MALRD1: variants seen among roughly 807,000 people sequenced by gnomAD.
MALRD1 encodes the protein MAM and LDL receptor class A domain containing 1.
MALRD1 carries 247 observed loss-of-function variants against 242.1 expected under a neutral mutation model. The ratio of observed to expected loss-of-function variants is 1.02; its 90% CI spans 0.92 to 1.13. The LOEUF (loss-of-function observed/expected upper bound fraction) is 1.13, where lower values mean the gene tolerates loss of function less well. MALRD1 is among the 50% of genes most tolerant of loss of function. The pLI, the probability that MALRD1 is intolerant of heterozygous loss-of-function variation, is 0.00. For synonymous variants in MALRD1, 995 were observed against 866.6 expected (o/e 1.15, Z -2.60); for missense variants, 2,989 against 2,533.1 (o/e 1.18, Z -3.86).
chr10:19,618,168 T>C (rs975518456), intron 36 of MALRD1, among the ~76,000 whole-genome samples: 3 of 151,734 alleles, frequency 2.0e-5, no homozygotes, highest in African/African-American at 7.3e-5. Context: ...ATCTAATTCT[T>C]TTTTTTAAGG....
chr10:19,258,581 GTC>G (rs778847916), intron 19 of MALRD1, among the ~76,000 whole-genome samples: 1 of 152,138 alleles, frequency 6.6e-6, no homozygotes, highest in African/African-American at 2.4e-5. Context: ...AGCCTCACTG[GTC>G]TGCGGAGCAC....
chr10:19,237,305 C>T (rs1838363934), intron 18 of MALRD1, among the ~76,000 whole-genome samples: 1 of 150,982 alleles, frequency 6.6e-6, no homozygotes, highest in African/African-American at 2.4e-5. Flanking sequence ...ACTTCTTCCT[C>T]ACTGTTTGGT....
At chr10:19,244,550 GT>G (rs1308418719) in intron 18 of MALRD1, among the ~76,000 whole-genome samples, 2 of 151,644 alleles carry the variant, frequency 1.3e-5, no homozygotes, top group Non-Finnish European at 2.9e-5. Context: ...GGGCAACGAA[GT>G]CAGACCCTGT....
intron 19 of MALRD1, among the ~76,000 whole-genome samples, chr10:19,265,881 A>G (rs1257545804): frequency 2.0e-5 from 3 of 151,850 alleles, no homozygotes; most frequent in Admixed American, 6.6e-5. Context: ...AATATTTGCT[A>G]TACATTTGGG....
At chr10:19,372,225 C>T (rs2130751385) in intron 26 of MALRD1, among the ~76,000 whole-genome samples, 1 of 152,012 alleles carries the variant, frequency 6.6e-6, no homozygotes, top group South Asian at 2.1e-4. Context: ...TACATTTAAA[C>T]AAAAATTATA....
intron 1 of MALRD1, among the ~76,000 whole-genome samples, chr10:19,062,497 G>T (rs1275478086): frequency 6.6e-6 from 1 of 152,194 alleles, no homozygotes; most frequent in Non-Finnish European, 1.5e-5. Flanking sequence ...CAGCAGTGTT[G>T]TTCACAATAG....
At chr10:19,534,248 G>T (rs995141264) in intron 32 of MALRD1, among the ~76,000 whole-genome samples, 13 of 152,180 alleles carry the variant, frequency 8.5e-5, no homozygotes, top group African/African-American at 2.4e-4. Context: ...GATCATAGCA[G>T]CTGGGGCAAA....
chr10:19,532,095 A>G (rs1353333392), intron 32 of MALRD1, among the ~76,000 whole-genome samples: 4 of 152,218 alleles, frequency 2.6e-5, no homozygotes, highest in Non-Finnish European at 4.4e-5. Flanking sequence ...TACATGTATT[A>G]TAAACACTCT....
At chr10:19,645,270 A>G (rs1840597559) in intron 36 of MALRD1, among the ~76,000 whole-genome samples, 1 of 152,162 alleles carries the variant, frequency 6.6e-6, no homozygotes, top group Admixed American at 6.5e-5. Flanking sequence ...ACACTTTTAC[A>G]CTGTTGGTGG....
At chr10:19,510,467 T>G (rs61841375) in intron 31 of MALRD1, among the ~76,000 whole-genome samples, 9,338 of 152,186 alleles carry the variant, frequency 0.061, 271 homozygotes, top group East Asian at 0.11. Context: ...CCTGCAGCCT[T>G]CCGCAGTGTT....
chr10:19,193,426 C>T (rs961959901), intron 14 of MALRD1, among the ~76,000 whole-genome samples: 4 of 152,074 alleles, frequency 2.6e-5, no homozygotes, highest in African/African-American at 9.7e-5. Context: ...CATGGTGGCA[C>T]ATGCCTGTAG....
chr10:19,110,068 C>T (rs1170710782), intron 5 of MALRD1, among the ~76,000 whole-genome samples: 2 of 152,214 alleles, frequency 1.3e-5, no homozygotes, highest in Non-Finnish European at 2.9e-5. Context: ...TCTGAGTCCC[C>T]ATGCTCTACA....
chr10:19,306,904 A>G (rs1306111335), intron 21 of MALRD1, among the ~76,000 whole-genome samples: 1 of 151,522 alleles, frequency 6.6e-6, no homozygotes. Context: ...AACTGTCCCC[A>G]TGATTCAGTC....
chr10:19,602,905 G>C (rs1482277620), intron 34 of MALRD1, among the ~76,000 whole-genome samples: 1 of 152,046 alleles, frequency 6.6e-6, no homozygotes, highest in Non-Finnish European at 1.5e-5. Context: ...GTGTGAGATG[G>C]TATCTCATTG....
intron 19 of MALRD1, among the ~76,000 whole-genome samples, chr10:19,258,446 A>C (rs1325224711): frequency 6.6e-6 from 1 of 152,090 alleles, no homozygotes; most frequent in African/African-American, 2.4e-5. Flanking sequence ...TGGCACTCAG[A>C]CTGAGAGCTC....
At position 19,071,431 on chromosome 10, in the gene MALRD1, G is replaced by T. The variant is rs140112617; in HGVS notation, c.340+4572G>T. On this transcript the variant is annotated intron_variant, in intron 2 of 39. Transcript: ENST00000454679. ...GTCCTTCTCTCAGAGTTTTTGCCTT[G>T]CACTCCATCTGCAGCTGCAGCTGGA... is the stretch of plus-strand genomic sequence containing the variant. 5.9e-5 allele frequency among the ~76,000 whole-genome samples: 9 copies of T among 151,526 alleles called. No homozygotes were observed. In the East Asian group the frequency reaches 1.6e-3, roughly 26 times the overall value.
At chr10:19,205,317 C>A (rs963304005) in intron 17 of MALRD1, 52 bp downstream of exon 17, 2 of 1,475,998 alleles carry the variant, frequency 1.4e-6, no homozygotes, top group Non-Finnish European at 1.8e-6. Context: ...AAGTGTTGAC[C>A]TTGATGAATT....
At chr10:19,255,693 G>T (rs928125230) in intron 18 of MALRD1, among the ~76,000 whole-genome samples, 7 of 152,028 alleles carry the variant, frequency 4.6e-5, no homozygotes, top group African/African-American at 1.7e-4. Flanking sequence ...GCAAATTGAA[G>T]ATATTTTGGT....
intron 12 of MALRD1, among the ~76,000 whole-genome samples, chr10:19,158,174 A>G (rs537154990): frequency 6.6e-6 from 1 of 152,214 alleles, no homozygotes; most frequent in African/African-American, 2.4e-5. Context: ...TAATGTGGGT[A>G]CTAATATTTT....
Sources: gnomAD v4.1 joint callset for allele counts (sites outside exome capture counted in the v4.1 genomes callset) on GRCh38, gnomAD v4.1.1 for gene constraint, MANE v1.5 for transcripts, NCBI Gene and HGNC (gene_info 2026-07-23, HGNC 2026-07-21) for gene names.